THAP6: variants seen among roughly 807,000 people sequenced by gnomAD.
The protein encoded by THAP6 is THAP domain-containing protein 6.
Under a neutral mutation model 20.0 loss-of-function variants are expected in THAP6, and 13 were observed. The ratio of observed to expected loss-of-function variants is 0.65; its 90% CI spans 0.42 to 1.03. THAP6 has a LOEUF of 1.03. THAP6 is among the 50% of genes least tolerant of loss of function. The pLI, the probability that THAP6 is intolerant of heterozygous loss-of-function variation, is 0.00. For missense variants in THAP6, 262 were observed against 261.6 expected, an observed-to-expected ratio of 1.00 and a Z score of -0.01; for synonymous variants, 93 against 92.2, an observed-to-expected ratio of 1.01 and a Z score of -0.05.
At position 75,528,026 on chromosome 4, in the gene THAP6, T is replaced by A. The variant is rs1255050850; in HGVS notation, c.*812T>A. On this transcript the variant is annotated 3_prime_UTR_variant, in exon 5 of 5. Coordinates refer to ENST00000311638, the MANE Select transcript of THAP6 (RefSeq NM_144721.6). ...GAATGGCAGTACTAGCTCTATACTT[T>A]TAATACTGCTTTGTATTTTATATGT... The A allele has an allele frequency of 6.1e-6, 6 of 985,144 alleles. No homozygotes were observed. Among genetic ancestry groups the A allele is most frequent in the Non-Finnish European group, 7.2e-6 (6 of 829,664 alleles). The allele number at this position is 985,144 out of a possible 1,614,324, so 61.0% of individuals were successfully genotyped here.
At chr4:75,532,490 T>A (rs1296531188), downstream of THAP6, among the ~76,000 whole-genome samples, 1 of 152,226 alleles carries the variant, frequency 6.6e-6, no homozygotes, top group East Asian at 1.9e-4. Flanking sequence ...TCTACCATTC[T>A]AGGGTCTGGA....
rs568198042 is a variant in THAP6 at position 75,545,821 on chromosome 4, G to C, written c.243+3335G>C. Among the ~76,000 whole-genome samples the C allele has an allele frequency of 1.8e-4, 27 of 152,336 alleles. No homozygotes were observed. The South Asian group carries it at 5.6e-3, about 32-fold the overall frequency. On this transcript the variant is annotated intron_variant, in intron 3 of 4. Coordinates refer to the THAP6 transcript ENST00000502620. Reference sequence around the variant, plus strand: ...CTCACCTTGGCTTCCTCAAGGCCCAGCAGCAGGACAGGGCCTTTCTCTGAG... The same window carrying C: ...CTCACCTTGGCTTCCTCAAGGCCCACCAGCAGGACAGGGCCTTTCTCTGAG...
At chr4:75,530,524 A>G (rs1726648279), downstream of THAP6, among the ~76,000 whole-genome samples, 1 of 152,174 alleles carries the variant, frequency 6.6e-6, no homozygotes, top group Non-Finnish European at 1.5e-5. Flanking sequence ...CCTCCAATTA[A>G]CTAGTCCTCC....
chr4:75,538,153 T>A (rs558831244), intron 2 of THAP6, among the ~76,000 whole-genome samples: 2 of 152,322 alleles, frequency 1.3e-5, no homozygotes, highest in South Asian at 4.2e-4. Flanking sequence ...ATGAGCCAGG[T>A]AGGGCATGGC....
intron 2 of THAP6, chr4:75,540,089 A>T (rs1364040295): frequency 1.9e-6 from 2 of 1,075,590 alleles, no homozygotes; most frequent in Non-Finnish European, 2.6e-6. Flanking sequence ...TCCAATACTG[A>T]CAAGCCATTT....
chr4:75,541,132 A>G (rs559092913), intron 2 of THAP6, among the ~76,000 whole-genome samples: 3 of 152,346 alleles, frequency 2.0e-5, no homozygotes, highest in Admixed American at 1.3e-4. Flanking sequence ...CATTTTAGTA[A>G]GTTATTTTTA....
At chr4:75,545,929 C>A (rs1482566193) in intron 3 of THAP6, among the ~76,000 whole-genome samples, 1 of 152,174 alleles carries the variant, frequency 6.6e-6, no homozygotes, top group East Asian at 1.9e-4. Flanking sequence ...GTGTGAGAGG[C>A]AGCTCTGCGG....
Position 75,516,973 on chromosome 4 carries a change from C to G in THAP6, c.282C>G (p.His94Gln). Residue 94 changes from histidine to glutamine, a missense_variant, in exon 3 of 5, where the codon CAC becomes CAG. Transcript: ENST00000311638. ...CTTCTATCTTTGATTCTCCATATCACCTACAGGTTTGTTTATGAGATACTG... is the reference window on the plus strand; with the variant it reads ...CTTCTATCTTTGATTCTCCATATCAGCTACAGGTTTGTTTATGAGATACTG... ...VIPSIFDSPY[H>Q]LQGKREKLHC... is the part of the protein sequence containing the mutation. The G allele has an allele frequency of 6.2e-7, 1 of 1,605,956 alleles. No homozygotes were observed. Among genetic ancestry groups the G allele is most frequent in the Non-Finnish European group, 8.5e-7 (1 of 1,173,240 alleles).
At chr4:75,541,379 C>T (rs1458698146) in intron 2 of THAP6, among the ~76,000 whole-genome samples, 1 of 152,076 alleles carries the variant, frequency 6.6e-6, no homozygotes, top group Non-Finnish European at 1.5e-5. Flanking sequence ...TAAAGCACAA[C>T]TCAAAATAGT....
At chr4:75,537,184 G>GA (rs1726882740) in intron 2 of THAP6, among the ~76,000 whole-genome samples, 1 of 152,088 alleles carries the variant, frequency 6.6e-6, no homozygotes, top group South Asian at 2.1e-4. Context: ...CAGAAGTCTA[G>GA]GGGGGGCACC....
At chr4:75,544,899 G>T (rs1469341068) in intron 3 of THAP6, among the ~76,000 whole-genome samples, 1 of 152,140 alleles carries the variant, frequency 6.6e-6, no homozygotes, top group East Asian at 1.9e-4. Flanking sequence ...CACTGCAATA[G>T]GACAACAGCC....
intron 3 of THAP6, among the ~76,000 whole-genome samples, chr4:75,543,916 A>G (rs1727067860): frequency 6.6e-6 from 1 of 152,202 alleles, no homozygotes. Flanking sequence ...CAATATAGGC[A>G]CTATGGGTCG....
intron 3 of THAP6, among the ~76,000 whole-genome samples, chr4:75,519,572 C>T (rs989530892): frequency 1.0e-4 from 15 of 149,502 alleles, no homozygotes; most frequent in East Asian, 6.0e-4. Flanking sequence ...AGTGAGAATA[C>T]GCGGTGTTTG....
At chr4:75,515,762 A>G (rs1725552723) in intron 2 of THAP6, among the ~76,000 whole-genome samples, 1 of 152,256 alleles carries the variant, frequency 6.6e-6, no homozygotes, top group Admixed American at 6.5e-5. Flanking sequence ...AAAAAATACC[A>G]TAAGGCTAAC....
intron 3 of THAP6, among the ~76,000 whole-genome samples, chr4:75,546,258 A>ATCCCGATG (rs1727124193): frequency 6.6e-6 from 1 of 152,144 alleles, no homozygotes; most frequent in African/African-American, 2.4e-5. Flanking sequence ...TCTCCCCAAA[A>ATCCCGATG]TCCCGATGTT....
intron 3 of THAP6, among the ~76,000 whole-genome samples, chr4:75,520,242 T>C (rs1291562322): frequency 6.6e-6 from 1 of 152,174 alleles, no homozygotes; most frequent in Non-Finnish European, 1.5e-5. Flanking sequence ...CTTTGTCAGA[T>C]GAGTAGGTTG....
At chr4:75,515,398 G>C in intron 1 of THAP6, 35 bp from the exon 2 acceptor site, 2 of 1,572,376 alleles carry the variant, frequency 1.3e-6, no homozygotes, top group Non-Finnish European at 1.7e-6. Flanking sequence ...TCAGCTTTCC[G>C]GTTACTAACT....
chr4:75,521,681 T>C, intron 3 of THAP6, 55 bp from the exon 4 acceptor site: 9 of 1,496,524 alleles, frequency 6.0e-6, no homozygotes, highest in Non-Finnish European at 8.1e-6. Context: ...GAATAAAAAT[T>C]TAAGAAAGAA....
At chr4:75,538,239 C>A (rs1726917001) in intron 2 of THAP6, among the ~76,000 whole-genome samples, 1 of 152,156 alleles carries the variant, frequency 6.6e-6, no homozygotes, top group African/African-American at 2.4e-5. Context: ...TCATATTCCT[C>A]TAGCAAGGGA....
Sources: allele counts gnomAD v4.1 joint callset (sites outside exome capture counted in the v4.1 genomes callset), GRCh38; gene constraint gnomAD v4.1.1; transcripts MANE v1.5; gene names NCBI Gene and HGNC (gene_info 2026-07-23, HGNC 2026-07-21).